DCDC2: variants seen among roughly 807,000 people sequenced by gnomAD.
DCDC2 encodes the protein doublecortin domain containing 2.
DCDC2 carries 40 observed loss-of-function variants against 50.2 expected under a neutral mutation model. The observed-to-expected ratio is 0.80, with a 90% CI of 0.62 to 1.04. The LOEUF (loss-of-function observed/expected upper bound fraction) is 1.04, where lower values mean the gene tolerates loss of function less well. Ranked by LOEUF, DCDC2 falls within the 50% of genes least tolerant of loss-of-function variation. The pLI, the probability that DCDC2 is intolerant of heterozygous loss-of-function variation, is 0.00. For synonymous variants in DCDC2, 234 were observed against 210.6 expected (o/e 1.11, Z -0.96); for missense variants, 570 against 581.9 (o/e 0.98, Z 0.21).
chr6:24,272,716 A>G (rs1763263692), intron 7 of DCDC2, among the ~76,000 whole-genome samples: 2 of 152,210 alleles, frequency 1.3e-5, no homozygotes, highest in African/African-American at 4.8e-5. Flanking sequence ...AAAAAACAAC[A>G]GATGTTAGCA....
In DCDC2 at chr6:24,351,459, C is replaced by T. The variant is rs553937932; in HGVS notation, c.348+2110G>A. Among the ~76,000 whole-genome samples, 8 of 152,306 alleles carry T rather than the reference C, an allele frequency of 5.3e-5. No homozygotes were observed. The South Asian group carries it at 1.2e-3, about 24-fold the overall frequency. On this transcript the variant is annotated intron_variant, in intron 2 of 9. Transcript: ENST00000378454. ...ACAAGCAGTTTCTGAACACCTTTTC[C>T]CATCTCCTTTGCATTTCACAATTTC...
intron 8 of DCDC2, among the ~76,000 whole-genome samples, chr6:24,182,642 A>AAAAAAAAAAAAAAAAAG (rs1274509810): frequency 6.6e-6 from 1 of 150,702 alleles, no homozygotes; most frequent in Non-Finnish European, 1.5e-5. Context: ...AAAAAAAAAA[A>AAAAAAAAAAAAAAAAAG]AACAGAAGAA....
intron 8 of DCDC2, among the ~76,000 whole-genome samples, chr6:24,201,053 G>A (rs947053651): frequency 6.6e-6 from 1 of 151,994 alleles, no homozygotes; most frequent in African/African-American, 2.4e-5. Context: ...CACAAAATTA[G>A]TGGGAGACTT....
chr6:24,308,580 C>T (rs807692), intron 2 of DCDC2, among the ~76,000 whole-genome samples: 117,063 of 152,046 alleles, frequency 0.77, 47,679 homozygotes, highest in East Asian at 0.99. Flanking sequence ...CATGACGACC[C>T]GTTATCAAGA....
intron 8 of DCDC2, among the ~76,000 whole-genome samples, chr6:24,201,807 G>A (rs1463671632): frequency 6.6e-6 from 1 of 152,030 alleles, no homozygotes; most frequent in African/African-American, 2.4e-5. Flanking sequence ...ATAAAGGGGA[G>A]ATCACCACTG....
At chr6:24,345,117 C>T (rs532033694) in intron 2 of DCDC2, among the ~76,000 whole-genome samples, 6 of 152,256 alleles carry the variant, frequency 3.9e-5, no homozygotes, top group East Asian at 1.9e-4. Flanking sequence ...TTCAGTAGTT[C>T]GCTCTTTGAA....
chr6:24,251,118 G>A (rs1459396907), intron 7 of DCDC2, among the ~76,000 whole-genome samples: 2 of 152,142 alleles, frequency 1.3e-5, no homozygotes, highest in East Asian at 1.9e-4. Context: ...ATGTGAAGTC[G>A]CTTCCAGCAG....
At chr6:24,188,877 C>T (rs190070986) in intron 8 of DCDC2, among the ~76,000 whole-genome samples, 115 of 152,114 alleles carry the variant, frequency 7.6e-4, no homozygotes, top group Non-Finnish European at 1.4e-3. Context: ...TGATTCCAGC[C>T]TCACAGCCTC....
At chr6:24,210,483 T>C (rs900811911) in intron 7 of DCDC2, among the ~76,000 whole-genome samples, 16 of 152,218 alleles carry the variant, frequency 1.1e-4, no homozygotes, top group African/African-American at 3.6e-4. Context: ...CTGGGAATTA[T>C]CTTTATTTCC....
chr6:24,365,642 T>C, the DCDC2 span: 2 of 152,242 alleles, frequency 1.3e-5, no homozygotes, highest in African/African-American at 4.8e-5. Flanking sequence ...TTAAGAACAA[T>C]AAAAAGGCTT....
chr6:24,363,229 C>G, the DCDC2 span, among the ~76,000 whole-genome samples: 1 of 152,188 alleles, frequency 6.6e-6, no homozygotes, highest in Non-Finnish European at 1.5e-5. Context: ...CACGGTGGCT[C>G]AAGCCTGTAA....
At chr6:24,328,263 G>A (rs1163873538) in intron 2 of DCDC2, among the ~76,000 whole-genome samples, 1 of 152,132 alleles carries the variant, frequency 6.6e-6, no homozygotes, top group African/African-American at 2.4e-5. Flanking sequence ...TTTTAAAGTG[G>A]ATTCCCTTGT....
chr6:24,229,386 T>C (rs1762293570), intron 7 of DCDC2, among the ~76,000 whole-genome samples: 1 of 152,194 alleles, frequency 6.6e-6, no homozygotes, highest in Admixed American at 6.5e-5. Flanking sequence ...TGTCTCACAT[T>C]TAAAGGACCT....
chr6:24,341,947 TACACACAC>T (rs10540083), intron 2 of DCDC2, among the ~76,000 whole-genome samples: 1 of 151,624 alleles, frequency 6.6e-6, no homozygotes, highest in Non-Finnish European at 1.5e-5. Context: ...TGTGCACGCG[TACACACAC>T]ACACACACAC....
At chr6:24,219,529 G>A (rs796436268) in intron 7 of DCDC2, among the ~76,000 whole-genome samples, 2 of 152,192 alleles carry the variant, frequency 1.3e-5, no homozygotes, top group African/African-American at 2.4e-5. Context: ...CCCATTAGTA[G>A]ATGGTAACAT....
At chr6:24,216,870 T>G (rs1448256008) in intron 7 of DCDC2, among the ~76,000 whole-genome samples, 1 of 152,266 alleles carries the variant, frequency 6.6e-6, no homozygotes, top group Non-Finnish European at 1.5e-5. Context: ...ATTCTTGCTA[T>G]GCAGATATTT....
chr6:24,244,925 T>A (rs1182607737), intron 7 of DCDC2, among the ~76,000 whole-genome samples: 1 of 152,206 alleles, frequency 6.6e-6, no homozygotes, highest in African/African-American at 2.4e-5. Flanking sequence ...CTGGACGTGG[T>A]GGCTCACATC....
At chr6:24,339,827 A>AGTGTTGGATGG (rs1162939848) in intron 2 of DCDC2, among the ~76,000 whole-genome samples, 1 of 152,236 alleles carries the variant, frequency 6.6e-6, no homozygotes, top group Non-Finnish European at 1.5e-5. Flanking sequence ...ATTTATAATA[A>AGTGTTGGATGG]GTGTTGGATG....
intron 2 of DCDC2, among the ~76,000 whole-genome samples, chr6:24,331,392 T>C (rs1277591561): frequency 6.6e-6 from 1 of 152,018 alleles, no homozygotes; most frequent in African/African-American, 2.4e-5. Flanking sequence ...CCTTGATCTC[T>C]TGGCCTTAAG....
Sources: allele counts gnomAD v4.1 joint callset (sites outside exome capture counted in the v4.1 genomes callset), GRCh38; gene constraint gnomAD v4.1.1; transcripts MANE v1.5; gene names NCBI Gene and HGNC (gene_info 2026-07-23, HGNC 2026-07-21).